Variants in SLC17A5 observed in about 807,000 individuals in gnomAD.
SLC17A5 encodes solute carrier family 17 member 5, also known as sialin.
SLC17A5 carries 47 observed loss-of-function variants against 59.4 expected under a neutral mutation model. The ratio of observed to expected loss-of-function variants is 0.79; its 90% CI spans 0.63 to 1.01. SLC17A5 has a LOEUF of 1.01. Ranked by LOEUF, SLC17A5 falls within the 50% of genes least tolerant of loss-of-function variation. The pLI is 0.00. For synonymous variants in SLC17A5, 202 were observed against 210.7 expected, an observed-to-expected ratio of 0.96 and a Z score of 0.36; for missense variants, 522 against 595.5, an observed-to-expected ratio of 0.88 and a Z score of 1.28.
intron 10 of SLC17A5, among the ~76,000 whole-genome samples, 155 bp downstream of exon 10, chr6:73,600,196 A>G (rs1766991043): frequency 6.6e-6 from 1 of 152,246 alleles, no homozygotes; most frequent in African/African-American, 2.4e-5. Flanking sequence ...CTTTGAAAAT[A>G]TACTTTCCCA....
At chr6:73,632,125 G>A (rs1057129008) in intron 6 of SLC17A5, among the ~76,000 whole-genome samples, 4 of 150,174 alleles carry the variant, frequency 2.7e-5, no homozygotes, top group Non-Finnish European at 4.4e-5. Context: ...TCATCATAGC[G>A]AGACTCCGTC....
At position 73,636,310 on chromosome 6, in the gene SLC17A5, A is replaced by G. The variant is rs577929287; in HGVS notation, c.700+311T>C. Among the ~76,000 whole-genome samples the G allele has an allele frequency of 2.0e-5, 3 of 152,014 alleles. No homozygotes were observed. The East Asian group carries it at 5.8e-4, about 29-fold the overall frequency. ...AAAAAAAAAAAAAAACATTAAAACTACCAAGTGAGAACATCCTACTTTGCT... is the reference window on the plus strand; with the variant it reads ...AAAAAAAAAAAAAAACATTAAAACTGCCAAGTGAGAACATCCTACTTTGCT... On this transcript the variant is annotated intron_variant, in intron 5 of 10. Transcript: ENST00000355773.
chr6:73,597,264 G>A (rs1230934255), intron 10 of SLC17A5, among the ~76,000 whole-genome samples: 2 of 149,734 alleles, frequency 1.3e-5, no homozygotes, highest in Admixed American at 6.7e-5. Flanking sequence ...TCAGGAGATG[G>A]AGACTGTCCT....
chr6:73,622,415 C>T lies in SLC17A5; in HGVS notation c.820-453G>A, dbSNP rs924154992. Among the ~76,000 whole-genome samples the T allele has an allele frequency of 4.6e-5, 7 of 152,052 alleles. 1 individual carries two copies. Among genetic ancestry groups the T allele is most frequent in the Non-Finnish European group, 4.4e-5 (3 of 68,004 alleles). On this transcript the variant is annotated intron_variant, in intron 6 of 10. Transcript: ENST00000355773. ...CTCCTGAGTTCAAGTGATTCTCCTG[C>T]CTCAGCCTCCCAAGTAGCTGGGATT...
At chr6:73,620,064 C>T (rs10943112) in intron 7 of SLC17A5, among the ~76,000 whole-genome samples, 32,734 of 151,604 alleles carry the variant, frequency 0.22, 3,720 homozygotes, top group Non-Finnish European at 0.25. Context: ...GCTAGGACTA[C>T]AAGTGCCTGC....
chr6:73,621,897 T>C lies in SLC17A5; in HGVS notation c.885A>G (p.Val295=). 6.2e-7 allele frequency: 1 copy of C among 1,613,926 alleles called. No homozygotes were observed. Among genetic ancestry groups the C allele is most frequent in the Non-Finnish European group, 8.5e-7 (1 of 1,179,854 alleles). Residue 295 remains valine (V), a synonymous_variant, in exon 7 of 11, where the codon GTA becomes GTG. Transcript: ENST00000355773. ...TCCAGTTGTAAGAAAAGTGTGCAAC[T>C]ACGATAGCCCAAAGTGGCAGGGATT... ...ILKSLPLWAI[V]VAHFSYNWTF... is the part of the protein sequence containing the mutation.
intron 8 of SLC17A5, 37 bp downstream of exon 8, chr6:73,615,278 A>T (rs753428622): frequency 1.9e-6 from 3 of 1,611,002 alleles, no homozygotes; most frequent in African/African-American, 2.7e-5. Context: ...ATGGTAAATA[A>T]CTGTAAACCA....
chr6:73,616,949 C>T (rs1261732971), intron 7 of SLC17A5, among the ~76,000 whole-genome samples: 2 of 151,764 alleles, frequency 1.3e-5, no homozygotes, highest in Non-Finnish European at 2.9e-5. Context: ...TCATTTTTCG[C>T]GTCCAATCAT....
intron 5 of SLC17A5, 77 bp from the exon 6 acceptor site, chr6:73,635,577 T>C (rs1042084203): frequency 4.3e-5 from 32 of 740,054 alleles, no homozygotes; most frequent in Non-Finnish European, 6.2e-5. Flanking sequence ...AAACACAAAA[T>C]TAGAAAGCAC....
chr6:73,650,687 C>T (rs1231577996), intron 1 of SLC17A5, among the ~76,000 whole-genome samples: 1 of 147,838 alleles, frequency 6.8e-6, no homozygotes, highest in Non-Finnish European at 1.5e-5. Flanking sequence ...AGAGTGAGAT[C>T]CTGAAAAAAA....
chr6:73,624,052 T>C (rs1768285541), intron 6 of SLC17A5, among the ~76,000 whole-genome samples: 1 of 152,006 alleles, frequency 6.6e-6, no homozygotes, highest in South Asian at 2.1e-4. Flanking sequence ...AGCAAAATAA[T>C]GGCAGATCAT....
rs1431369287 is a variant in SLC17A5, at chr6:73,610,403, G to A, written c.1256C>T (p.Pro419Leu). Residue 419 changes from proline (P) to leucine (L), a missense_variant, in exon 9 of 11, where the codon CCT becomes CTT. Pro to Leu is a moderately conservative substitution (Grantham distance 98). This residue lies in a region of SLC17A5 where 153 missense variants were observed against 168.5 expected (regional missense o/e 0.91). Transcript: ENST00000355773. ...AAATCTTTATATTAGTACTCACGAA[G>A]GAGCAATATCCAGATGGTTGATGCT... is the stretch of plus-strand genomic sequence containing the variant. ...GFSINHLDIA[P>L]SYAGILLGIT... is the part of the protein sequence containing the mutation. 6.2e-7 allele frequency: 1 copy of A among 1,613,850 alleles called. No homozygotes were observed. The highest frequency in any genetic ancestry group is 8.5e-7 in the Non-Finnish European group (1 of 1,179,944).
At position 73,635,350 on chromosome 6, in the gene SLC17A5, A is replaced by G. The variant is rs745483341; in HGVS notation, c.819+32T>C. Reference sequence around the variant, plus strand: ...TAATTCTGAAGAAAAAAAGTTTCTGACATTATTTTTAAAATGTGTCAAAGT... The same window carrying G: ...TAATTCTGAAGAAAAAAAGTTTCTGGCATTATTTTTAAAATGTGTCAAAGT... On this transcript the variant is annotated intron_variant, in intron 6 of 10. Transcript: ENST00000355773. 8.2e-6 allele frequency: 10 copies of G among 1,217,166 alleles called. No individual in the cohort carries two copies. The South Asian group carries it at 1.2e-4, about 15-fold the overall frequency. The allele number at this position is 1,217,166 out of a possible 1,614,324, so 75.4% of individuals were successfully genotyped here.
chr6:73,633,778 G>T (rs973642236), intron 6 of SLC17A5, among the ~76,000 whole-genome samples: 1 of 151,842 alleles, frequency 6.6e-6, no homozygotes, highest in African/African-American at 2.4e-5. Context: ...AACTCAGGAG[G>T]CTGAGGCAGG....
At chr6:73,601,802 C>G (rs10455093) in intron 9 of SLC17A5, among the ~76,000 whole-genome samples, 7,256 of 145,510 alleles carry the variant, frequency 0.05, 384 homozygotes, top group Admixed American at 0.15. Context: ...GCCGCTCCGT[C>G]CGGGAGGGAG....
At chr6:73,604,051 A>T (rs1767285159) in intron 9 of SLC17A5, among the ~76,000 whole-genome samples, 1 of 152,244 alleles carries the variant, frequency 6.6e-6, no homozygotes, top group Non-Finnish European at 1.5e-5. Context: ...ACACAGCACT[A>T]TAACAAAACC....
At chr6:73,635,277 G>T in intron 6 of SLC17A5, 105 bp downstream of exon 6, 1 of 698,914 alleles carries the variant, frequency 1.4e-6, no homozygotes, top group Non-Finnish European at 2.5e-6. Context: ...ATTCTACTTT[G>T]TCTAGAGCAT....
At chr6:73,597,411 G>A (rs1766864053) in intron 10 of SLC17A5, among the ~76,000 whole-genome samples, 2 of 152,030 alleles carry the variant, frequency 1.3e-5, no homozygotes, top group Non-Finnish European at 2.9e-5. Context: ...AGTTTGCAGT[G>A]AGCCAAGATC....
At chr6:73,630,078 C>T (rs868866519) in intron 6 of SLC17A5, among the ~76,000 whole-genome samples, 1 of 151,720 alleles carries the variant, frequency 6.6e-6, no homozygotes, top group Non-Finnish European at 1.5e-5. Context: ...CTGTAACCTC[C>T]GCCTCCCAGG....
Sources: gnomAD v4.1 joint callset for allele counts (sites outside exome capture counted in the v4.1 genomes callset) on GRCh38, gnomAD v4.1.1 for gene constraint, gnomAD v4.1.1 regional missense constraint, MANE v1.5 for transcripts, NCBI Gene and HGNC (gene_info 2026-07-23, HGNC 2026-07-21) for gene names.